Variants in LRBA observed in about 807,000 individuals in gnomAD.
The protein encoded by LRBA is LPS responsive beige-like anchor protein.
A neutral mutation model predicts 330.0 loss-of-function variants in LRBA; 176 were observed. That is an observed-to-expected ratio of 0.53 (90% confidence interval 0.47 to 0.60). The LOEUF (loss-of-function observed/expected upper bound fraction) is 0.60. Ranked by LOEUF, LRBA falls within the 20% of genes least tolerant of loss-of-function variation. The pLI, the probability that LRBA is intolerant of heterozygous loss-of-function variation, is 0.00. For missense variants in LRBA, 3,259 were observed against 3,444.8 expected, an observed-to-expected ratio of 0.95 and a Z score of 1.35; for synonymous variants, 1,230 against 1,193.0, an observed-to-expected ratio of 1.03 and a Z score of -0.64.
intron 34 of LRBA, among the ~76,000 whole-genome samples, chr4:150,768,517 G>T (rs1736093413): frequency 6.6e-6 from 1 of 152,260 alleles, no homozygotes; most frequent in South Asian, 2.1e-4. Flanking sequence ...AATGAAAAAG[G>T]CAAGATAAAT....
At chr4:150,732,374 T>G (rs1324609613) in intron 36 of LRBA, among the ~76,000 whole-genome samples, 1 of 152,066 alleles carries the variant, frequency 6.6e-6, no homozygotes, top group Non-Finnish European at 1.5e-5. Context: ...ATGACTATAC[T>G]GCTTTCCCTT....
intron 24 of LRBA, among the ~76,000 whole-genome samples, chr4:150,850,446 C>T (rs543692819): frequency 3.9e-4 from 60 of 152,222 alleles, no homozygotes; most frequent in Non-Finnish European, 6.3e-4. Context: ...GATAAACCTA[C>T]CTTCTGGTGA....
At chr4:150,816,299 G>T (rs1018918113) in intron 31 of LRBA, among the ~76,000 whole-genome samples, 4 of 151,888 alleles carry the variant, frequency 2.6e-5, no homozygotes, top group African/African-American at 7.2e-5. Flanking sequence ...GAGTGTTTTG[G>T]TAGGTACAAT....
chr4:150,795,512 G>A (rs1193213960), intron 34 of LRBA, among the ~76,000 whole-genome samples: 3 of 151,834 alleles, frequency 2.0e-5, no homozygotes, highest in Admixed American at 2.0e-4. Flanking sequence ...TTCTACATGG[G>A]ATTCAACAGA....
intron 4 of LRBA, among the ~76,000 whole-genome samples, chr4:150,925,834 C>T (rs1337545935): frequency 6.6e-6 from 1 of 152,114 alleles, no homozygotes; most frequent in African/African-American, 2.4e-5. Flanking sequence ...CAAATATATA[C>T]TTTCTCTTCT....
chr4:150,620,415 A>G lies in LRBA; in HGVS notation c.5922-21284T>C, dbSNP rs115751061. Among the ~76,000 whole-genome samples, 1,263 of 152,274 alleles carry G rather than the reference A, an allele frequency of 8.3e-3. 11 individuals are homozygous for G. Among genetic ancestry groups the G allele is most frequent in the African/African-American group, 0.029 (1,197 of 41,566 alleles). The stretch of plus-strand genomic sequence containing the variant: ...TGTTTGGAAATTTCTTAAAGAATTA[A>G]AAGTAGGTCTACCATTCAATCAAGC... On this transcript the variant is annotated intron_variant, in intron 37 of 56. Transcript: ENST00000651943.
At chr4:150,534,499 T>C (rs1764429046) in intron 40 of LRBA, among the ~76,000 whole-genome samples, 1 of 151,926 alleles carries the variant, frequency 6.6e-6, no homozygotes. Context: ...ACTTGTCATG[T>C]TAGGCATGAA....
At chr4:150,283,976 C>T (rs1166819204) in intron 54 of LRBA, among the ~76,000 whole-genome samples, 2 of 152,080 alleles carry the variant, frequency 1.3e-5, no homozygotes, top group Non-Finnish European at 2.9e-5. Flanking sequence ...TGTAACATTT[C>T]ACAAAAATGG....
chr4:150,454,227 G>A (rs548121755), intron 44 of LRBA, among the ~76,000 whole-genome samples: 1 of 152,118 alleles, frequency 6.6e-6, no homozygotes, highest in African/African-American at 2.4e-5. Context: ...CCAAAGTGCT[G>A]GGATTACAGG....
intron 47 of LRBA, among the ~76,000 whole-genome samples, chr4:150,385,344 T>C (rs1742906605): frequency 1.3e-5 from 2 of 152,040 alleles, no homozygotes; most frequent in Admixed American, 1.3e-4. Context: ...ATTATAGCCA[T>C]AAAGGGGCGA....
Position 150,929,052 on chromosome 4 carries a change from T to C in LRBA, c.230A>G (p.Gln77Arg), listed in dbSNP as rs1254379836. Residue 77 changes from glutamine to arginine, a missense_variant, in exon 3 of 57, where the codon CAG becomes CGG. Physicochemically the swap from Gln to Arg is conservative, Grantham distance 43. Coordinates refer to ENST00000651943, the MANE Select transcript of LRBA (RefSeq NM_001364905.1). ...ETVFNLLVGG[Q>R]FDLEMNFIIQ... ...AATGAAATTCATTTCCAGATCAAAC[T>C]GTCCTCCTACCAACTTACAAGGAAA... The C allele has an allele frequency of 6.2e-7, 1 of 1,609,970 alleles. No individual in the cohort carries two copies. Among genetic ancestry groups the C allele is most frequent in the Admixed American group, 1.7e-5 (1 of 59,886 alleles).
intron 47 of LRBA, among the ~76,000 whole-genome samples, chr4:150,390,133 T>A (rs1394746599): frequency 6.6e-6 from 1 of 152,110 alleles, no homozygotes; most frequent in East Asian, 1.9e-4. Flanking sequence ...ATCACACCGA[T>A]TAAATAAAGG....
intron 17 of LRBA, among the ~76,000 whole-genome samples, chr4:150,883,287 G>A (rs1286892520): frequency 2.6e-5 from 4 of 151,858 alleles, no homozygotes; most frequent in South Asian, 2.1e-4. Context: ...ATGGTGAAAC[G>A]TGTCTCTACT....
chr4:150,488,406 T>A (rs1758149062), intron 41 of LRBA, among the ~76,000 whole-genome samples: 1 of 151,608 alleles, frequency 6.6e-6, no homozygotes, highest in African/African-American at 2.4e-5. Context: ...GTTCATATAA[T>A]CCAAAACAAT....
intron 40 of LRBA, among the ~76,000 whole-genome samples, chr4:150,562,696 C>T (rs1178489442): frequency 2.0e-5 from 3 of 152,068 alleles, no homozygotes; most frequent in Non-Finnish European, 1.5e-5. Context: ...ACATTAAAGG[C>T]CTTCAAATAT....
intron 47 of LRBA, among the ~76,000 whole-genome samples, chr4:150,405,645 A>AAG (rs1554018709): frequency 6.6e-6 from 1 of 151,522 alleles, no homozygotes; most frequent in Non-Finnish European, 1.5e-5. Context: ...ATATAAATGT[A>AAG]ATATATATAT....
At chr4:150,322,413 T>C (rs763926982) in intron 49 of LRBA, among the ~76,000 whole-genome samples, 2 of 152,218 alleles carry the variant, frequency 1.3e-5, no homozygotes, top group Non-Finnish European at 2.9e-5. Flanking sequence ...TCCTACCATG[T>C]CTGTTTTCTA....
Position 150,828,626 on chromosome 4 carries a change from A to G in LRBA, c.4730-5T>C. On this transcript the variant is annotated splice_polypyrimidine_tract_variant and splice_region_variant and intron_variant, in intron 29 of 56. Transcript: ENST00000651943. Reference sequence around the variant, plus strand: ...TGAATGCTGCTGGTGTGATTTCTATATCATACCCAGAAACACAAGAAATAA... The same window carrying G: ...TGAATGCTGCTGGTGTGATTTCTATGTCATACCCAGAAACACAAGAAATAA... 1.2e-6 allele frequency: 2 copies of G among 1,604,220 alleles called. No homozygotes were observed. The highest frequency in any genetic ancestry group is 1.7e-6 in the Non-Finnish European group (2 of 1,175,490).
At chr4:150,549,893 T>G (rs896435446) in intron 40 of LRBA, among the ~76,000 whole-genome samples, 1 of 152,136 alleles carries the variant, frequency 6.6e-6, no homozygotes, top group African/African-American at 2.4e-5. Context: ...CAGGGTTGAG[T>G]ACTAAATGGC....
Sources: gnomAD v4.1 joint callset for allele counts (sites outside exome capture counted in the v4.1 genomes callset) on GRCh38, gnomAD v4.1.1 for gene constraint, MANE v1.5 for transcripts, NCBI Gene and HGNC (gene_info 2026-07-23, HGNC 2026-07-21) for gene names.